Variants in RTCB observed in about 807,000 individuals in gnomAD.
The protein encoded by RTCB is RNA-splicing ligase RTCB.
A neutral mutation model predicts 58.2 loss-of-function variants in RTCB; 32 were observed. That is an observed-to-expected ratio of 0.55 (90% CI 0.41 to 0.74). The LOEUF (loss-of-function observed/expected upper bound fraction) is 0.74. Among genes scored for constraint, RTCB ranks in the 30% least tolerant of loss-of-function variants. The pLI is 0.00. For synonymous variants in RTCB, 247 were observed against 218.6 expected (o/e 1.13, Z -1.15); for missense variants, 523 against 639.0 (o/e 0.82, Z 1.96).
intron 11 of RTCB, 70 bp downstream of exon 11, chr22:32,392,170 C>A: frequency 2.0e-6 from 3 of 1,499,942 alleles, no homozygotes; most frequent in Non-Finnish European, 2.7e-6. Flanking sequence ...AAATTGCTGT[C>A]TCTGTAGACT....
chr22:32,388,244 AAAG>A (rs1569439151), intron 11 of RTCB, 145 bp from the exon 12 acceptor site: 4 of 584,514 alleles, frequency 6.8e-6, no homozygotes, highest in South Asian at 2.3e-5. Flanking sequence ...AAAATTTAAA[AAAG>A]AAGTAAGCCT....
At position 32,399,750 on chromosome 22, in the gene RTCB, C is replaced by T. The variant is rs1298151755; in HGVS notation, c.507G>A (p.Glu169=). 3 of 1,613,364 alleles carry T rather than the reference C, an allele frequency of 1.9e-6. No homozygotes were observed. Among genetic ancestry groups the T allele is most frequent in the Non-Finnish European group, 2.5e-6 (3 of 1,179,666 alleles). ...GVIPMNAKDL[E]EALEMGVDWS... The stretch of plus-strand genomic sequence containing the variant: ...AGTCCACCCCCATCTCCAAGGCCTC[C>T]TCCAAGTCTCTGGATAAGTATAAAA... Residue 169 remains glutamate (E), a synonymous_variant, in exon 6 of 12, where the codon GAG becomes GAA. Coordinates refer to ENST00000216038, the MANE Select transcript of RTCB (RefSeq NM_014306.5).
At chr22:32,392,209 A>C in intron 11 of RTCB, 31 bp downstream of exon 11, 1 of 1,593,986 alleles carries the variant, frequency 6.3e-7, no homozygotes, top group Admixed American at 1.8e-5. Context: ...GGAACAATAA[A>C]TATTCATGTA....
At chr22:32,389,185 G>A (rs1331244935) in intron 11 of RTCB, among the ~76,000 whole-genome samples, 3 of 152,114 alleles carry the variant, frequency 2.0e-5, no homozygotes, top group East Asian at 3.9e-4. Context: ...ACTACTTGGC[G>A]ATTTCTAGCT....
chr22:32,396,297 G>A (rs761947628), intron 7 of RTCB, 48 bp from the exon 8 acceptor site: 1 of 1,579,428 alleles, frequency 6.3e-7, no homozygotes, highest in African/African-American at 1.3e-5. Flanking sequence ...TCCCTTAAAT[G>A]AACAGTTCAG....
chr22:32,392,287 T>C lies in RTCB; in HGVS notation c.1363A>G (p.Met455Val), dbSNP rs1205013423. 88 of 1,613,960 alleles carry C rather than the reference T, an allele frequency of 5.5e-5. No homozygotes were observed. Among genetic ancestry groups the C allele is most frequent in the Non-Finnish European group, 6.9e-5 (82 of 1,179,986 alleles). The change falls in exon 11 of 12, where the codon ATG (methionine) becomes GTG (valine). Residue 455 changes from methionine to valine, a missense_variant. Around this residue, in one of 3 missense-constraint regions of RTCB, gnomAD observed 248 missense variants for 292.5 expected, o/e 0.85. Coordinates refer to ENST00000216038, the MANE Select transcript of RTCB (RefSeq NM_014306.5). ...FQDVLDKLADMGIAIRVASPK... is the reference protein window; with the variant it reads ...FQDVLDKLADVGIAIRVASPK... ...GAGGCAACACGGATCGCAATTCCCA[T>C]ATCTGCCAATTTGTCTAAGACATCC...
rs1186153941 is a variant in RTCB at position 32,406,880 on chromosome 22, T to C, written c.241-119A>G. 3 of 626,490 alleles carry C rather than the reference T, an allele frequency of 4.8e-6. No homozygotes were observed. In the South Asian group the frequency reaches 5.5e-5, roughly 12 times the overall value. The allele number at this position is 626,490 out of a possible 1,614,324, so 38.8% of individuals were successfully genotyped here. A position where few individuals can be genotyped will look rare whatever the true frequency, so the allele number is the denominator to read the frequency against. On this transcript the variant is annotated intron_variant, in intron 3 of 11. Coordinates refer to ENST00000216038, the MANE Select transcript of RTCB (RefSeq NM_014306.5). ...GCTGAAGCTTTCCCTAAATCAAGAC[T>C]GTGTTTTCACAAAATCTTCTATATG...
chr22:32,392,127 AAT>A (rs1933162691), intron 11 of RTCB, 111 bp downstream of exon 11: 3 of 1,198,530 alleles, frequency 2.5e-6, no homozygotes, highest in Non-Finnish European at 3.5e-6. Flanking sequence ...CATAAAAAAA[AAT>A]AACCCAAACA....
intron 3 of RTCB, among the ~76,000 whole-genome samples, chr22:32,407,136 T>C (rs141877020): frequency 1.3e-5 from 2 of 152,338 alleles, no homozygotes; most frequent in Admixed American, 6.5e-5. Context: ...CTGATTTATA[T>C]AGGTCATTAG....
At chr22:32,410,796 G>A (rs1444575488) in intron 1 of RTCB, among the ~76,000 whole-genome samples, 1 of 150,896 alleles carries the variant, frequency 6.6e-6, no homozygotes. Flanking sequence ...GGTCACTGCA[G>A]CCAAGATCTC....
rs766074954 is a variant in RTCB, at chr22:32,399,668, C to T, written c.589G>A (p.Gly197Arg). The stretch of plus-strand genomic sequence containing the variant: ...TTGGGGTCAGCCTGCAGCATCCTTC[C>T]GTACTCCTCGCAGTGCTCCTTGTCT... The part of the protein sequence containing the change: ...AEDKEHCEEY[G>R]RMLQADPNKV... Residue 197 changes from glycine (G) to arginine (R), a missense_variant, in exon 6 of 12, where the codon GGA becomes AGA. Physicochemically the swap from Gly to Arg is moderately radical, Grantham distance 125 (BLOSUM62 -2). Coordinates refer to ENST00000216038, the MANE Select transcript of RTCB (RefSeq NM_014306.5). 5 of 1,613,950 alleles carry T rather than the reference C, an allele frequency of 3.1e-6. No homozygotes were observed. Among genetic ancestry groups the T allele is most frequent in the East Asian group, 2.2e-5 (1 of 44,880 alleles).
intron 9 of RTCB, among the ~76,000 whole-genome samples, chr22:32,394,479 A>T (rs1933211078): frequency 6.6e-6 from 1 of 152,190 alleles, no homozygotes; most frequent in Non-Finnish European, 1.5e-5. Flanking sequence ...TTCTTTGATA[A>T]ATCGGAGGGG....
chr22:32,395,329 A>G (rs1422064881), intron 8 of RTCB, 115 bp from the exon 9 acceptor site: 1 of 813,412 alleles, frequency 1.2e-6, no homozygotes, highest in East Asian at 2.7e-5. Context: ...AAAAGATTTA[A>G]AAGTTCAAAA....
chr22:32,408,868 T>C (rs1205932919), intron 1 of RTCB, 35 bp from the exon 2 acceptor site: 1 of 1,471,608 alleles, frequency 6.8e-7, no homozygotes, highest in Non-Finnish European at 9.5e-7. Flanking sequence ...AATGTCTGAG[T>C]ACATGCGCGG....
rs1360773258 is a variant in RTCB, at chr22:32,395,165, A to C, written c.1040T>G (p.Val347Gly). 1 of 1,614,218 alleles carries C rather than the reference A, an allele frequency of 6.2e-7. No homozygotes were observed. The highest frequency in any genetic ancestry group is 8.5e-7 in the Non-Finnish European group (1 of 1,180,034). ...AATGTTGTGAGAAACATCATAGATC[A>C]CATGTAGGTCCAAGTCATCAGGGGT... ...NTTPDDLDLH[V>G]IYDVSHNIAK... The change falls in exon 9 of 12, where the codon GTG (valine) becomes GGG (glycine). Residue 347 changes from valine (V) to glycine (G), a missense_variant. Around this residue, in one of 3 missense-constraint regions of RTCB, gnomAD observed 248 missense variants for 292.5 expected, o/e 0.85. Transcript: ENST00000216038.
chr22:32,407,021 T>C (rs1390249832), intron 3 of RTCB, among the ~76,000 whole-genome samples: 1 of 152,122 alleles, frequency 6.6e-6, no homozygotes, highest in African/African-American at 2.4e-5. Flanking sequence ...CAAAATAACA[T>C]GATATAGGAG....
intron 4 of RTCB, among the ~76,000 whole-genome samples, chr22:32,405,985 T>G (rs879656114): frequency 9.2e-5 from 14 of 152,186 alleles, no homozygotes; most frequent in Non-Finnish European, 1.9e-4. Context: ...TTAGCACTGT[T>G]CTAAATATTT....
At chr22:32,391,826 C>T (rs1456313897) in intron 11 of RTCB, among the ~76,000 whole-genome samples, 2 of 152,058 alleles carry the variant, frequency 1.3e-5, no homozygotes, top group African/African-American at 4.8e-5. Flanking sequence ...TATATGTAAA[C>T]ATATATACAG....
intron 10 of RTCB, among the ~76,000 whole-genome samples, chr22:32,392,672 T>C (rs1246383832): frequency 6.6e-6 from 1 of 152,158 alleles, no homozygotes; most frequent in African/African-American, 2.4e-5. Flanking sequence ...CCAGAAATTG[T>C]CAATGTCCCC....
Sources: gnomAD v4.1 joint callset for allele counts (sites outside exome capture counted in the v4.1 genomes callset) on GRCh38, gnomAD v4.1.1 for gene constraint, gnomAD v4.1.1 regional missense constraint, MANE v1.5 for transcripts, NCBI Gene and HGNC (gene_info 2026-07-23, HGNC 2026-07-21) for gene names.